Variants in IQCH observed in about 807,000 individuals in gnomAD.
IQCH encodes the protein IQ domain-containing protein H.
Under a neutral mutation model 117.0 loss-of-function variants are expected in IQCH, and 98 were observed. The observed-to-expected ratio is 0.84, with a 90% CI of 0.71 to 0.99. IQCH has a LOEUF of 0.99. Among genes scored for constraint, IQCH ranks in the 50% least tolerant of loss-of-function variants. The probability of loss-of-function intolerance (pLI) is 0.00; values close to 1 mark genes in which losing one functional copy is unlikely to be tolerated. For missense variants in IQCH, 1,102 were observed against 1,243.8 expected (o/e 0.89, Z 1.72); for synonymous variants, 412 against 448.2 (o/e 0.92, Z 1.02).
chr15:67,455,528 T>C (rs1257575309), intron 16 of IQCH, among the ~76,000 whole-genome samples: 1 of 152,174 alleles, frequency 6.6e-6, no homozygotes, highest in Non-Finnish European at 1.5e-5. Flanking sequence ...TCAAAGAAAC[T>C]GGGAAGGAAA....
intron 20 of IQCH, among the ~76,000 whole-genome samples, chr15:67,497,108 A>G (rs903906509): frequency 2.0e-5 from 3 of 152,026 alleles, no homozygotes; most frequent in Non-Finnish European, 4.4e-5. Flanking sequence ...CTATGAAGCA[A>G]GAGGACTGCT....
chr15:67,290,341 T>C (rs1192511145), intron 4 of IQCH, among the ~76,000 whole-genome samples: 1 of 152,082 alleles, frequency 6.6e-6, no homozygotes, highest in African/African-American at 2.4e-5. Flanking sequence ...AATAACTTTT[T>C]TATTTTAATG....
At chr15:67,325,435 T>A (rs1968362782) in intron 4 of IQCH, among the ~76,000 whole-genome samples, 1 of 152,174 alleles carries the variant, frequency 6.6e-6, no homozygotes. Flanking sequence ...GGGAAAAAGC[T>A]ACCTTTGTCA....
At chr15:67,345,871 C>T (rs1242541881) in intron 6 of IQCH, among the ~76,000 whole-genome samples, 4 of 151,944 alleles carry the variant, frequency 2.6e-5, no homozygotes, top group African/African-American at 4.8e-5. Context: ...ACAAATGGAC[C>T]GTGGTAATGG....
Position 67,372,480 on chromosome 15 carries a change from A to G in IQCH, c.1123A>G (p.Lys375Glu). ...AGATGGAAATTCGGAGGCCGCCATG[A>G]AGATCCAAGCCACATGGAAATGCTA... ...GQDGNSEAAM[K>E]IQATWKCYKA... The change falls in exon 9 of 21, where the codon AAG becomes GAG. Residue 375 changes from lysine to glutamate, a missense_variant. By Grantham distance (56) the Lys-to-Glu change is moderately conservative. This residue lies in a region of IQCH where 452 missense variants were observed against 449.6 expected (regional missense o/e 1.01). Transcript: ENST00000335894. The G allele has an allele frequency of 6.2e-7, 1 of 1,614,096 alleles. No individual in the cohort carries two copies. The highest frequency in any genetic ancestry group is 8.5e-7 in the Non-Finnish European group (1 of 1,180,000).
chr15:67,436,602 C>T lies in IQCH; in HGVS notation c.2505+15025C>T, dbSNP rs952346943. 2.0e-5 allele frequency among the ~76,000 whole-genome samples: 3 copies of T among 152,172 alleles called. No homozygotes were observed. The highest frequency in any genetic ancestry group is 4.8e-5 in the African/African-American group (2 of 41,436). On this transcript the variant is annotated intron_variant, in intron 16 of 20. Coordinates refer to ENST00000335894, the MANE Select transcript of IQCH (RefSeq NM_001031715.3). This position sits in a 1 kb window ranked among gnomAD's most constrained non-coding sequence, Gnocchi z 5.1. ...CAGGGGAGGGCACAAATCCGGTGTG[C>T]AGACTCCATAGGCAGGGGAAGAACC...
rs1971439154 is a variant in IQCH at position 67,395,572 on chromosome 15, G to A, written c.1905+9G>A. On this transcript the variant is annotated intron_variant, in intron 13 of 20. Transcript: ENST00000335894. The surrounding 1 kb of genome is among the most constrained non-coding windows in gnomAD (Gnocchi z 4.0). ...TTTATAGTCAGCAACAGGTATGTGG[G>A]GTGGACAAGTGAAGCTCTGTTCAAA... The A allele has an allele frequency of 6.2e-7, 1 of 1,611,630 alleles. No homozygotes were observed. The highest frequency in any genetic ancestry group is 8.5e-7 in the Non-Finnish European group (1 of 1,178,338).
Position 67,354,430 on chromosome 15 carries a change from A to C in IQCH, c.638-2915A>C, listed in dbSNP as rs550237797. ...AGGGAAAATCCTCTGGATGGAGCAG[A>C]ATAGAAGAGAATTTTCTGAACCTGA... On this transcript the variant is annotated intron_variant, in intron 6 of 20. Coordinates refer to ENST00000335894, the MANE Select transcript of IQCH (RefSeq NM_001031715.3). 1.3e-4 allele frequency among the ~76,000 whole-genome samples: 20 copies of C among 152,324 alleles called. No homozygotes were observed. The South Asian group carries it at 3.5e-3, about 27-fold the overall frequency.
rs767582320 is a variant in IQCH, at chr15:67,372,701, T to G, written c.1305+39T>G. The G allele has an allele frequency of 4.0e-6, 6 of 1,517,208 alleles. No homozygotes were observed. In the Admixed American group the frequency reaches 1.3e-4, roughly 32 times the overall value. The allele number at this position is 1,517,208 out of a possible 1,614,324, so 94.0% of individuals were successfully genotyped here. On this transcript the variant is annotated intron_variant, in intron 9 of 20. Transcript: ENST00000335894. ...CCAGCTGTTAAGGCAGACCTCTTTT[T>G]CTAAACATTTCGTGCTTGAGCGGTT...
chr15:67,344,013 T>C (rs1969278179), intron 5 of IQCH, 50 bp from the exon 6 acceptor site: 3 of 1,545,870 alleles, frequency 1.9e-6, no homozygotes, highest in South Asian at 2.3e-5. Context: ...GCTCAGACTT[T>C]GTGGAATTGC....
chr15:67,280,459 C>G (rs1451658277), intron 4 of IQCH, among the ~76,000 whole-genome samples: 1 of 152,206 alleles, frequency 6.6e-6, no homozygotes, highest in Non-Finnish European at 1.5e-5. Context: ...CCGGCAGATC[C>G]GGTGTCTGGT....
chr15:67,323,433 G>A (rs1426504656), intron 4 of IQCH, among the ~76,000 whole-genome samples: 3 of 151,614 alleles, frequency 2.0e-5, no homozygotes, highest in African/African-American at 7.3e-5. Context: ...TAGTGAAGAC[G>A]GGGTTTCACC....
intron 16 of IQCH, among the ~76,000 whole-genome samples, chr15:67,461,899 G>A (rs938830999): frequency 3.8e-4 from 58 of 152,218 alleles, no homozygotes; most frequent in African/African-American, 1.3e-3. Flanking sequence ...CATAGACAAC[G>A]GACAATGTGC....
chr15:67,331,716 C>G (rs1360793327), intron 4 of IQCH, among the ~76,000 whole-genome samples: 16 of 152,210 alleles, frequency 1.1e-4, no homozygotes, highest in Admixed American at 1.0e-3. Flanking sequence ...TCTACACAGT[C>G]ATTCAAGATA....
Position 67,290,002 on chromosome 15 carries a change from C to T in IQCH, c.387+10490C>T, listed in dbSNP as rs115386135. ...TCACGTGCAGCATCATGATGACAGA[C>T]TGTTTTTTAACAACTCTGACTTGTG... On this transcript the variant is annotated intron_variant, in intron 4 of 20. Transcript: ENST00000335894. 4.8e-3 allele frequency among the ~76,000 whole-genome samples: 732 copies of T among 152,196 alleles called. 7 individuals are homozygous for T. The highest frequency in any genetic ancestry group is 0.017 in the African/African-American group (688 of 41,558).
In IQCH at chr15:67,356,727, G is replaced by T. The variant is rs1342679131; in HGVS notation, c.638-618G>T. Among the ~76,000 whole-genome samples the T allele has an allele frequency of 6.6e-6, 1 of 152,168 alleles. No individual in the cohort carries two copies. The highest frequency in any genetic ancestry group is 1.5e-5 in the Non-Finnish European group (1 of 68,028). On this transcript the variant is annotated intron_variant, in intron 6 of 20. Transcript: ENST00000335894. The surrounding 1 kb of genome is among the most constrained non-coding windows in gnomAD (Gnocchi z 5.3). ...GTCAGACTTGGGCTTTTGGTAAAGG[G>T]CAGTCAGGTTTGCTGCTAGGCAGTA... is the stretch of plus-strand genomic sequence containing the variant.
At chr15:67,326,276 G>T (rs1401457075) in intron 4 of IQCH, among the ~76,000 whole-genome samples, 3 of 152,200 alleles carry the variant, frequency 2.0e-5, no homozygotes, top group Non-Finnish European at 4.4e-5. Context: ...CTTCATCCAT[G>T]TCCCTACAAA....
At position 67,280,010 on chromosome 15, in the gene IQCH, C is replaced by T. The variant is rs149564967; in HGVS notation, c.387+498C>T. On this transcript the variant is annotated intron_variant, in intron 4 of 20. Coordinates refer to ENST00000335894, the MANE Select transcript of IQCH (RefSeq NM_001031715.3). ...CAGCCAGGGCGACAGAGCGAGACTCCGTCTAAAAAAAAAAAATGTGAATTT... is the reference window on the plus strand; with the variant it reads ...CAGCCAGGGCGACAGAGCGAGACTCTGTCTAAAAAAAAAAAATGTGAATTT... Among the ~76,000 whole-genome samples, 985 of 150,474 alleles carry T rather than the reference C, an allele frequency of 6.5e-3. 38 individuals are homozygous for T. Among genetic ancestry groups the T allele is most frequent in the Admixed American group, 0.056 (851 of 15,150 alleles).
At chr15:67,281,770 C>A (rs1966369013) in intron 4 of IQCH, 1 of 454,650 alleles carries the variant, frequency 2.2e-6, no homozygotes, top group Non-Finnish European at 4.4e-6. Flanking sequence ...TGTCAAAGTA[C>A]ATATTTTGGG....
Sources: allele counts gnomAD v4.1 joint callset (sites outside exome capture counted in the v4.1 genomes callset), GRCh38; gene constraint gnomAD v4.1.1; regional missense constraint gnomAD v4.1.1; non-coding constraint Gnocchi (gnomAD v3.1); transcripts MANE v1.5; gene names NCBI Gene and HGNC (gene_info 2026-07-23, HGNC 2026-07-21).